Variants in NRG3 observed in about 807,000 individuals in gnomAD.
NRG3 encodes the protein neuregulin 3, also known as pro-neuregulin-3, membrane-bound isoform.
NRG3 carries 31 observed loss-of-function variants against 66.9 expected under a neutral mutation model. The ratio of observed to expected loss-of-function variants is 0.46; its 90% CI spans 0.35 to 0.63. The LOEUF is 0.63. Ranked by LOEUF, NRG3 falls within the 20% of genes least tolerant of loss-of-function variation. NRG3 has a pLI of 0.00. For synonymous variants in NRG3, 393 were observed against 359.4 expected, an observed-to-expected ratio of 1.09 and a Z score of -1.06; for missense variants, 910 against 878.9, an observed-to-expected ratio of 1.04 and a Z score of -0.45.
chr10:82,005,118 A>G (rs1039053819), intron 1 of NRG3, among the ~76,000 whole-genome samples: 3 of 152,228 alleles, frequency 2.0e-5, no homozygotes, highest in South Asian at 2.1e-4. Context: ...TCAGGGATCA[A>G]AATAGCTAGT....
At chr10:82,465,429 C>T (rs1336134012) in intron 2 of NRG3, among the ~76,000 whole-genome samples, 1 of 152,180 alleles carries the variant, frequency 6.6e-6, no homozygotes, top group Non-Finnish European at 1.5e-5. Flanking sequence ...CACCAGGATC[C>T]CTTTGTCTTC....
chr10:82,600,342 A>C (rs2133388342), intron 2 of NRG3, among the ~76,000 whole-genome samples: 1 of 152,348 alleles, frequency 6.6e-6, no homozygotes, highest in Middle Eastern at 3.4e-3. Flanking sequence ...AAAATGTAAT[A>C]ATTACAATTT....
chr10:82,678,735 A>G (rs971598592), intron 2 of NRG3, among the ~76,000 whole-genome samples: 4 of 151,948 alleles, frequency 2.6e-5, no homozygotes, highest in Non-Finnish European at 5.9e-5. Flanking sequence ...CAACAGAGCA[A>G]CAGCGGACAT....
chr10:81,915,496 G>GTTTTTTTTTTTTTTTTTTTT (rs78693924), intron 1 of NRG3, among the ~76,000 whole-genome samples: 2 of 130,734 alleles, frequency 1.5e-5, no homozygotes, highest in South Asian at 2.4e-4. Flanking sequence ...CACTTCTTTA[G>GTTTTTTTTTTTTTTTTTTTT]TTTTTTTTTT....
chr10:81,898,335 G>A (rs1369425116), intron 1 of NRG3, among the ~76,000 whole-genome samples: 2 of 152,178 alleles, frequency 1.3e-5, no homozygotes, highest in Admixed American at 6.5e-5. Flanking sequence ...CCCTAAAGAC[G>A]ACAATGGTTG....
chr10:82,378,557 C>G (rs2085409940), intron 2 of NRG3, among the ~76,000 whole-genome samples: 1 of 151,662 alleles, frequency 6.6e-6, no homozygotes, highest in Non-Finnish European at 1.5e-5. Flanking sequence ...CTCTTCTACT[C>G]TCTTCTCTTT....
intron 1 of NRG3, among the ~76,000 whole-genome samples, chr10:81,888,079 T>C (rs1328046691): frequency 6.6e-6 from 1 of 152,244 alleles, no homozygotes; most frequent in African/African-American, 2.4e-5. Context: ...TATAGGTTTT[T>C]CCATGTACAG....
chr10:82,525,440 A>T (rs1216348493), intron 2 of NRG3, among the ~76,000 whole-genome samples: 1 of 151,920 alleles, frequency 6.6e-6, no homozygotes, highest in Non-Finnish European at 1.5e-5. Flanking sequence ...GATTTTTAAA[A>T]ATCAGCTTTC....
chr10:82,901,100 T>A (rs566517024), intron 4 of NRG3, among the ~76,000 whole-genome samples: 1 of 152,330 alleles, frequency 6.6e-6, no homozygotes, highest in South Asian at 2.1e-4. Flanking sequence ...TGTTATAATG[T>A]CCGTTTGAAC....
chr10:82,402,531 G>A (rs551223370), intron 2 of NRG3, among the ~76,000 whole-genome samples: 2 of 152,218 alleles, frequency 1.3e-5, no homozygotes, highest in South Asian at 2.1e-4. Flanking sequence ...CAGATGGTAC[G>A]ACTTTAGAAC....
intron 2 of NRG3, among the ~76,000 whole-genome samples, chr10:82,645,825 T>C (rs915516442): frequency 1.3e-5 from 2 of 152,126 alleles, no homozygotes; most frequent in African/African-American, 4.8e-5. Context: ...ATCCCTTTCT[T>C]CTATGTTTTC....
intron 3 of NRG3, among the ~76,000 whole-genome samples, chr10:82,806,985 G>A (rs954195629): frequency 2.6e-5 from 4 of 152,112 alleles, no homozygotes. Context: ...TATTTCAACT[G>A]TTTCCTGCTT....
chr10:82,808,143 A>G (rs754028607), intron 3 of NRG3, among the ~76,000 whole-genome samples: 1 of 151,960 alleles, frequency 6.6e-6, no homozygotes, highest in Non-Finnish European at 1.5e-5. Context: ...TTTTTCATGT[A>G]TCTTGAATAA....
chr10:82,339,120 C>T (rs544096813), intron 1 of NRG3, among the ~76,000 whole-genome samples: 14 of 152,248 alleles, frequency 9.2e-5, no homozygotes, highest in Middle Eastern at 3.4e-3. Flanking sequence ...AATCTGATTG[C>T]GTATCCCTAA....
chr10:82,908,002 A>G (rs550971911), intron 4 of NRG3, among the ~76,000 whole-genome samples: 1 of 152,312 alleles, frequency 6.6e-6, no homozygotes, highest in East Asian at 1.9e-4. Context: ...AGCCTGATTA[A>G]GCTCTCTTTA....
chr10:82,332,286 G>A (rs998214363), intron 1 of NRG3, among the ~76,000 whole-genome samples: 1 of 152,148 alleles, frequency 6.6e-6, no homozygotes, highest in Non-Finnish European at 1.5e-5. Flanking sequence ...TGCTGTGTTT[G>A]AGCCTGGAAG....
intron 1 of NRG3, among the ~76,000 whole-genome samples, chr10:82,004,004 CA>C (rs2061279255): frequency 6.7e-6 from 1 of 148,234 alleles, no homozygotes; most frequent in Non-Finnish European, 1.5e-5. Flanking sequence ...CACACACACA[CA>C]CACACACACA....
chr10:82,183,147 C>T (rs1321501508), intron 1 of NRG3, among the ~76,000 whole-genome samples: 1 of 151,910 alleles, frequency 6.6e-6, no homozygotes, highest in Non-Finnish European at 1.5e-5. Context: ...AATCTGAGTG[C>T]ATTTTTCCTT....
At chr10:82,362,329 A>ATGTG (rs1426971423) in intron 2 of NRG3, among the ~76,000 whole-genome samples, 3 of 132,264 alleles carry the variant, frequency 2.3e-5, no homozygotes, top group African/African-American at 9.6e-5. Flanking sequence ...ATGTGTATAT[A>ATGTG]TATATGTGTG....
Sources: allele counts gnomAD v4.1 joint callset (sites outside exome capture counted in the v4.1 genomes callset), GRCh38; gene constraint gnomAD v4.1.1; transcripts MANE v1.5; gene names NCBI Gene and HGNC (gene_info 2026-07-23, HGNC 2026-07-21).